Variants in SH3GL3 observed in about 807,000 individuals in gnomAD.
SH3GL3 encodes SH3 domain containing GRB2 like 3, endophilin A3, also known as endophilin-A3.
A neutral mutation model predicts 47.7 loss-of-function variants in SH3GL3; 33 were observed. The ratio of observed to expected loss-of-function variants is 0.69; its 90% CI spans 0.52 to 0.92. The LOEUF is 0.92. Ranked by LOEUF, SH3GL3 falls within the 40% of genes least tolerant of loss-of-function variation. The pLI is 0.00. For synonymous variants in SH3GL3, 155 were observed against 148.8 expected, an observed-to-expected ratio of 1.04 and a Z score of -0.30; for missense variants, 363 against 417.8, an observed-to-expected ratio of 0.87 and a Z score of 1.14.
At chr15:83,484,592 T>C (rs1207625929) in intron 1 of SH3GL3, among the ~76,000 whole-genome samples, 2 of 152,198 alleles carry the variant, frequency 1.3e-5, no homozygotes, top group Non-Finnish European at 2.9e-5. Context: ...GGTTGTTTTT[T>C]TGTATCTCTT....
intron 1 of SH3GL3, among the ~76,000 whole-genome samples, chr15:83,460,068 C>CCCTTCCTTCCTT (rs1167747866): frequency 3.2e-4 from 15 of 46,640 alleles, no homozygotes; most frequent in South Asian, 1.3e-3. Flanking sequence ...CTCCCTCCCT[C>CCCTTCCTTCCTT]CCTTCCTTCC....
intron 2 of SH3GL3, among the ~76,000 whole-genome samples, chr15:83,564,573 C>A (rs2045445654): frequency 6.6e-6 from 1 of 152,136 alleles, no homozygotes; most frequent in Non-Finnish European, 1.5e-5. Flanking sequence ...TCAGTCTTAA[C>A]CAGAAAGGGT....
intron 1 of SH3GL3, among the ~76,000 whole-genome samples, chr15:83,483,410 T>C (rs1021930042): frequency 3.9e-5 from 6 of 152,186 alleles, no homozygotes; most frequent in African/African-American, 1.4e-4. Context: ...GTGAGATGGA[T>C]TTCTAAACTT....
At chr15:83,559,218 T>C (rs2045121227) in intron 1 of SH3GL3, 35 bp from the exon 2 acceptor site, 1 of 1,187,962 alleles carries the variant, frequency 8.4e-7, no homozygotes, top group African/African-American at 1.5e-5. Context: ...CAAGAAATCA[T>C]TGTACAATGC....
intron 5 of SH3GL3, among the ~76,000 whole-genome samples, chr15:83,573,408 C>T (rs1371453176): frequency 6.6e-6 from 1 of 152,350 alleles, no homozygotes; most frequent in East Asian, 1.9e-4. Flanking sequence ...GGTCCCTGGA[C>T]CAGCAACATC....
intron 5 of SH3GL3, among the ~76,000 whole-genome samples, chr15:83,573,893 C>T (rs925092645): frequency 3.3e-5 from 5 of 152,286 alleles, no homozygotes; most frequent in African/African-American, 1.2e-4. Flanking sequence ...GGTAGAGAGA[C>T]AAGTAAACAG....
intron 1 of SH3GL3, among the ~76,000 whole-genome samples, chr15:83,550,427 G>A (rs1263343297): frequency 1.3e-5 from 2 of 152,086 alleles, no homozygotes; most frequent in Admixed American, 6.6e-5. Flanking sequence ...GTCTTGCTCT[G>A]TCACCCAGGC....
At chr15:83,543,619 C>A (rs1055341212) in intron 1 of SH3GL3, among the ~76,000 whole-genome samples, 20 of 151,982 alleles carry the variant, frequency 1.3e-4, no homozygotes, top group African/African-American at 3.4e-4. Flanking sequence ...AGCAGTGAAG[C>A]CATCATGTCC....
intron 1 of SH3GL3, among the ~76,000 whole-genome samples, chr15:83,463,692 A>C (rs866303940): frequency 7.3e-5 from 11 of 151,082 alleles, no homozygotes; most frequent in African/African-American, 2.7e-4. Flanking sequence ...CTTTGATCTT[A>C]GGTCCCTCTT....
At chr15:83,482,282 TG>T (rs1242935919) in intron 1 of SH3GL3, among the ~76,000 whole-genome samples, 2 of 152,238 alleles carry the variant, frequency 1.3e-5, no homozygotes, top group African/African-American at 2.4e-5. Context: ...CCTTTGTGGT[TG>T]TTGCAAGCTT....
chr15:83,461,905 G>A (rs551577781), intron 1 of SH3GL3, among the ~76,000 whole-genome samples: 1 of 152,270 alleles, frequency 6.6e-6, no homozygotes, highest in Non-Finnish European at 1.5e-5. Flanking sequence ...CTTGCTCTGA[G>A]TACTTTGGTA....
At chr15:83,614,996 C>T (rs180687860) in intron 8 of SH3GL3, among the ~76,000 whole-genome samples, 26 of 151,952 alleles carry the variant, frequency 1.7e-4, no homozygotes, top group Non-Finnish European at 2.2e-4. Flanking sequence ...TAATCTCTAG[C>T]AGAACTTGTT....
intron 8 of SH3GL3, among the ~76,000 whole-genome samples, chr15:83,605,230 C>T (rs2060485557): frequency 1.3e-5 from 2 of 152,180 alleles, no homozygotes; most frequent in South Asian, 4.2e-4. Context: ...CAGGCTGCTT[C>T]TTCTAAGTTT....
At chr15:83,555,362 CATGTT>C (rs1336526685) in intron 1 of SH3GL3, among the ~76,000 whole-genome samples, 2 of 152,042 alleles carry the variant, frequency 1.3e-5, no homozygotes, top group South Asian at 2.1e-4. Flanking sequence ...GAAGTGAATT[CATGTT>C]ATGTTATGTG....
At chr15:83,541,209 G>A (rs370594986) in intron 1 of SH3GL3, among the ~76,000 whole-genome samples, 28 of 148,324 alleles carry the variant, frequency 1.9e-4, no homozygotes, top group African/African-American at 6.9e-4. Flanking sequence ...CTTGGCTATT[G>A]TGAATAATGC....
At chr15:83,509,047 T>C (rs1165634942) in intron 1 of SH3GL3, among the ~76,000 whole-genome samples, 1 of 152,210 alleles carries the variant, frequency 6.6e-6, no homozygotes. Context: ...GAATGAATGT[T>C]TTTACCTACA....
intron 3 of SH3GL3, among the ~76,000 whole-genome samples, chr15:83,566,690 C>T (rs373277176): frequency 1.3e-4 from 20 of 152,102 alleles, no homozygotes; most frequent in East Asian, 5.8e-4. Flanking sequence ...GTGGGAGGAT[C>T]GCTTGAACCC....
At chr15:83,592,683 G>C (rs1056741767) in intron 8 of SH3GL3, among the ~76,000 whole-genome samples, 1 of 152,162 alleles carries the variant, frequency 6.6e-6, no homozygotes, top group African/African-American at 2.4e-5. Context: ...GCTCGCTGAG[G>C]AATCTTTTAA....
chr15:83,548,507 C>A lies in SH3GL3; in HGVS notation c.46-10746C>A, dbSNP rs190489142. 1.4e-4 allele frequency among the ~76,000 whole-genome samples: 22 copies of A among 152,016 alleles called. No individual in the cohort carries two copies. The East Asian group carries it at 4.1e-3, about 28-fold the overall frequency. On this transcript the variant is annotated intron_variant, in intron 1 of 8. Coordinates refer to ENST00000427482, the MANE Select transcript of SH3GL3 (RefSeq NM_003027.5). The stretch of plus-strand genomic sequence containing the variant: ...GTTTGTCCGTTGTGAGAAATTCTCT[C>A]AATGCTTTTGTCTGAAGATTTCTTT...
Sources: allele counts gnomAD v4.1 joint callset (sites outside exome capture counted in the v4.1 genomes callset), GRCh38; gene constraint gnomAD v4.1.1; transcripts MANE v1.5; gene names NCBI Gene and HGNC (gene_info 2026-07-23, HGNC 2026-07-21).